The following CDH19 variants were observed in gnomAD, a reference collection of about 807,000 sequenced individuals.
The protein encoded by CDH19 is cadherin-19.
A neutral mutation model predicts 64.2 loss-of-function variants in CDH19; 67 were observed. The ratio of observed to expected loss-of-function variants is 1.04; its 90% confidence interval spans 0.86 to 1.28. The LOEUF is 1.28. CDH19 is among the 50% of genes most tolerant of loss of function. CDH19 has a pLI of 0.00. For synonymous variants in CDH19, 346 were observed against 319.3 expected (o/e 1.08, Z -0.89); for missense variants, 1,030 against 929.0 (o/e 1.11, Z -1.41).
intron 9 of CDH19, among the ~76,000 whole-genome samples, chr18:66,523,758 G>A (rs1986095081): frequency 6.6e-6 from 1 of 152,006 alleles, no homozygotes; most frequent in South Asian, 2.1e-4. Flanking sequence ...CGTCCAGAGA[G>A]CTGACCATGC....
chr18:66,596,280 C>T (rs577501821), intron 1 of CDH19: 2 of 152,144 alleles, frequency 1.3e-5, no homozygotes, highest in Non-Finnish European at 2.9e-5. Flanking sequence ...CTCACCACTC[C>T]TATTTAATAT....
chr18:66,534,029 A>G (rs1397459620), intron 8 of CDH19, among the ~76,000 whole-genome samples: 1 of 152,036 alleles, frequency 6.6e-6, no homozygotes, highest in African/African-American at 2.4e-5. Context: ...ATGTTAGAGA[A>G]AGAAAAAAAA....
At chr18:66,566,443 T>A (rs1012215595) in intron 3 of CDH19, among the ~76,000 whole-genome samples, 1 of 151,864 alleles carries the variant, frequency 6.6e-6, no homozygotes, top group Non-Finnish European at 1.5e-5. Flanking sequence ...CAAAAAGTCC[T>A]CTTGACCTTC....
chr18:66,532,908 C>G (rs1986511163), intron 8 of CDH19, among the ~76,000 whole-genome samples: 1 of 152,082 alleles, frequency 6.6e-6, no homozygotes, highest in Admixed American at 6.6e-5. Context: ...AGTCCTCATA[C>G]TTGAATATCT....
At chr18:66,594,135 A>G (rs754836634) in intron 1 of CDH19, among the ~76,000 whole-genome samples, 34 of 152,120 alleles carry the variant, frequency 2.2e-4, no homozygotes, top group Non-Finnish European at 4.3e-4. Flanking sequence ...CTTCTTTCAG[A>G]CAAAACAGAC....
intron 1 of CDH19, among the ~76,000 whole-genome samples, chr18:66,586,228 A>T (rs1017246908): frequency 6.6e-6 from 1 of 152,114 alleles, no homozygotes; most frequent in Non-Finnish European, 1.5e-5. Flanking sequence ...GGCCAAAATG[A>T]TATATCATAG....
At chr18:66,550,742 A>G (rs1375466414) in intron 5 of CDH19, among the ~76,000 whole-genome samples, 2 of 152,126 alleles carry the variant, frequency 1.3e-5, no homozygotes, top group East Asian at 3.9e-4. Flanking sequence ...CCTTAACTCT[A>G]TATACATGTA....
Position 66,524,432 on chromosome 18 carries a change from T to C in CDH19, c.1458+5413A>G, listed in dbSNP as rs1035744390. On this transcript the variant is annotated intron_variant, in intron 9 of 11. Transcript: ENST00000262150. Reference sequence around the variant, plus strand: ...ACAACATATTGTATACTTCAAAATTTCTGAGAGTAGATTTTAAGTGTTCTC... The same window carrying C: ...ACAACATATTGTATACTTCAAAATTCCTGAGAGTAGATTTTAAGTGTTCTC... Among the ~76,000 whole-genome samples, 69 of 151,328 alleles carry C rather than the reference T, an allele frequency of 4.6e-4. 1 individual carries two copies. The highest frequency in any genetic ancestry group is 6.6e-5 in the Admixed American group (1 of 15,196).
At chr18:66,528,726 G>A (rs1405910940) in intron 9 of CDH19, among the ~76,000 whole-genome samples, 1 of 152,030 alleles carries the variant, frequency 6.6e-6, no homozygotes, top group African/African-American at 2.4e-5. Context: ...TATTTCTTAA[G>A]ATATGAGTAT....
intron 1 of CDH19, among the ~76,000 whole-genome samples, chr18:66,581,189 G>A (rs1988411572): frequency 6.6e-6 from 1 of 150,936 alleles, no homozygotes; most frequent in Non-Finnish European, 1.5e-5. Flanking sequence ...ACCTGGGAAT[G>A]TTAATCCATA....
intron 4 of CDH19, among the ~76,000 whole-genome samples, chr18:66,552,377 T>C (rs1300872973): frequency 6.6e-6 from 1 of 151,896 alleles, no homozygotes; most frequent in African/African-American, 2.4e-5. Context: ...CTAAATTTAA[T>C]ATAATATAAT....
At chr18:66,542,308 T>C (rs923509935) in intron 7 of CDH19, among the ~76,000 whole-genome samples, 1 of 152,094 alleles carries the variant, frequency 6.6e-6, no homozygotes, top group Non-Finnish European at 1.5e-5. Flanking sequence ...AAAAATTAAA[T>C]TGAGCTTTTT....
intron 3 of CDH19, among the ~76,000 whole-genome samples, chr18:66,563,633 GA>G (rs1987802942): frequency 6.6e-6 from 1 of 151,854 alleles, no homozygotes; most frequent in Admixed American, 6.6e-5. Flanking sequence ...TTCACATTGG[GA>G]ACTTATTTTA....
intron 5 of CDH19, among the ~76,000 whole-genome samples, chr18:66,548,047 ATT>A (rs538028945): frequency 6.7e-4 from 98 of 147,202 alleles, no homozygotes; most frequent in African/African-American, 2.2e-3. Context: ...TATTATATAT[ATT>A]ATATATGATA....
In CDH19 at chr18:66,502,062, T is replaced by C. The variant is rs531057780; in HGVS notation, c.*2750A>G. 6 of 152,246 alleles carry C rather than the reference T, an allele frequency of 3.9e-5. No homozygotes were observed. In the South Asian group the frequency reaches 1.2e-3, roughly 32 times the overall value. The allele number at this position is 152,246 out of a possible 1,614,324, so 9.4% of individuals were successfully genotyped here. A position where few individuals can be genotyped will look rare whatever the true frequency, so the allele number is the denominator to read the frequency against. On this transcript the variant is annotated 3_prime_UTR_variant, in exon 12 of 12. Coordinates refer to ENST00000262150, the MANE Select transcript of CDH19 (RefSeq NM_021153.4). ...ATATTTTGCATTAATTTAGAGTTTA[T>C]TAAAATTTACAAAAATAAATTCTTA...
At chr18:66,555,323 G>A (rs935606406) in intron 3 of CDH19, among the ~76,000 whole-genome samples, 2 of 151,556 alleles carry the variant, frequency 1.3e-5, no homozygotes, top group Non-Finnish European at 3.0e-5. Flanking sequence ...ATAGCAACAC[G>A]AATGACACAA....
At chr18:66,591,785 TC>T (rs1199527269) in intron 1 of CDH19, among the ~76,000 whole-genome samples, 1 of 151,854 alleles carries the variant, frequency 6.6e-6, no homozygotes, top group Non-Finnish European at 1.5e-5. Flanking sequence ...GAAAATTAAA[TC>T]TTGGGGTTCT....
At chr18:66,586,956 A>T (rs1046974870) in intron 1 of CDH19, among the ~76,000 whole-genome samples, 3 of 152,022 alleles carry the variant, frequency 2.0e-5, no homozygotes, top group Admixed American at 2.0e-4. Context: ...TTTATTAGTT[A>T]GTTACAATAT....
intron 9 of CDH19, among the ~76,000 whole-genome samples, chr18:66,525,726 T>G (rs956760613): frequency 6.6e-6 from 1 of 152,150 alleles, no homozygotes; most frequent in Non-Finnish European, 1.5e-5. Flanking sequence ...ATTTGTAAAC[T>G]ATCATGTATA....
Sources: gnomAD v4.1 joint callset for allele counts (sites outside exome capture counted in the v4.1 genomes callset) on GRCh38, gnomAD v4.1.1 for gene constraint, MANE v1.5 for transcripts, NCBI Gene and HGNC (gene_info 2026-07-23, HGNC 2026-07-21) for gene names.